Variants in PARP8 observed in about 807,000 individuals in gnomAD.
The protein encoded by PARP8 is protein mono-ADP-ribosyltransferase PARP8.
A neutral mutation model predicts 124.1 loss-of-function variants in PARP8; 51 were observed. The ratio of observed to expected loss-of-function variants is 0.41; its 90% CI spans 0.33 to 0.52. PARP8 has a LOEUF of 0.52. Among genes scored for constraint, PARP8 ranks in the 20% least tolerant of loss-of-function variants. PARP8 has a pLI of 0.21. For missense variants in PARP8, 860 were observed against 1,018.9 expected, an observed-to-expected ratio of 0.84 and a Z score of 2.12; for synonymous variants, 391 against 361.5, an observed-to-expected ratio of 1.08 and a Z score of -0.93.
chr5:50,681,138 C>T (rs1751245637), intron 2 of PARP8, among the ~76,000 whole-genome samples: 1 of 152,060 alleles, frequency 6.6e-6, no homozygotes, highest in Admixed American at 6.6e-5. Context: ...AAGAATCATA[C>T]AAATATATGT....
At chr5:50,699,273 G>A (rs1753346069) in intron 2 of PARP8, among the ~76,000 whole-genome samples, 1 of 152,184 alleles carries the variant, frequency 6.6e-6, no homozygotes, top group Admixed American at 6.5e-5. Context: ...ACTGGAGTAT[G>A]GAAAGGAGCA....
At chr5:50,770,290 A>G (rs1028129631) in intron 7 of PARP8, among the ~76,000 whole-genome samples, 1 of 152,206 alleles carries the variant, frequency 6.6e-6, no homozygotes, top group African/African-American at 2.4e-5. Flanking sequence ...TTCTGTGAGC[A>G]AAGTGTGGTT....
chr5:50,707,801 GTCTTA>G (rs1201673353), intron 2 of PARP8, among the ~76,000 whole-genome samples: 1 of 152,026 alleles, frequency 6.6e-6, no homozygotes, highest in East Asian at 1.9e-4. Context: ...AGTACTAAGA[GTCTTA>G]TATCAACCTT....
intron 17 of PARP8, among the ~76,000 whole-genome samples, chr5:50,823,790 G>A (rs1746035330): frequency 1.3e-5 from 2 of 152,294 alleles, no homozygotes; most frequent in African/African-American, 4.8e-5. Context: ...TAATAGAAGG[G>A]AACGTAGACG....
chr5:50,707,325 G>T (rs1003390645), intron 2 of PARP8, among the ~76,000 whole-genome samples: 4 of 151,954 alleles, frequency 2.6e-5, no homozygotes, highest in African/African-American at 9.7e-5. Context: ...TTGATACATA[G>T]AAATTAAAAC....
chr5:50,834,889 TTAGAA>T, intron 24 of PARP8, 37 bp from the exon 25 acceptor site: 1 of 1,525,996 alleles, frequency 6.6e-7, no homozygotes, highest in Admixed American at 1.7e-5. Flanking sequence ...TAGGATTCCT[TTAGAA>T]TAAAGTGGTT....
chr5:50,726,447 G>A (rs1321959558), intron 2 of PARP8, among the ~76,000 whole-genome samples: 9 of 152,064 alleles, frequency 5.9e-5, no homozygotes, highest in Non-Finnish European at 1.0e-4. Context: ...ATCTGATCAC[G>A]AACTCTAAGA....
At chr5:50,740,746 G>A (rs931841322) in intron 2 of PARP8, among the ~76,000 whole-genome samples, 4 of 151,716 alleles carry the variant, frequency 2.6e-5, no homozygotes, top group African/African-American at 9.7e-5. Flanking sequence ...CCAGGAAGTC[G>A]AGGCTGCAGT....
chr5:50,730,168 A>C lies in PARP8; in HGVS notation c.147-19983A>C, dbSNP rs544118572. On this transcript the variant is annotated intron_variant, in intron 2 of 25. Transcript: ENST00000281631. ...AGCTCTCAGTTCAGATTTTAGGAGA[A>C]TTTTAACAGGATTTGGTTTTGTCTA... is the stretch of plus-strand genomic sequence containing the variant. Among the ~76,000 whole-genome samples the C allele has an allele frequency of 2.0e-5, 3 of 152,192 alleles. No homozygotes were observed. In the South Asian group the frequency reaches 6.2e-4, roughly 32 times the overall value.
At chr5:50,680,587 C>A (rs1751178429) in intron 2 of PARP8, among the ~76,000 whole-genome samples, 1 of 152,082 alleles carries the variant, frequency 6.6e-6, no homozygotes, top group Non-Finnish European at 1.5e-5. Flanking sequence ...TTGATTCTCC[C>A]CAACTCTCAT....
intron 2 of PARP8, among the ~76,000 whole-genome samples, chr5:50,717,459 G>C (rs547571005): frequency 2.7e-4 from 41 of 152,138 alleles, no homozygotes; most frequent in African/African-American, 9.4e-4. Context: ...GAATCAGCAG[G>C]TCAAATCAGA....
intron 2 of PARP8, among the ~76,000 whole-genome samples, chr5:50,735,091 G>A (rs1343714702): frequency 1.3e-5 from 2 of 152,036 alleles, no homozygotes; most frequent in Non-Finnish European, 2.9e-5. Context: ...ATTGATGCTT[G>A]CTTCTCTTGT....
At chr5:50,838,783 C>G (rs1747860019) in intron 25 of PARP8, among the ~76,000 whole-genome samples, 1 of 150,920 alleles carries the variant, frequency 6.6e-6, no homozygotes, top group Non-Finnish European at 1.5e-5. Flanking sequence ...TTTAAAACAA[C>G]TTGGAGTTGT....
chr5:50,797,659 G>A (rs1327060173), intron 14 of PARP8, among the ~76,000 whole-genome samples: 1 of 152,184 alleles, frequency 6.6e-6, no homozygotes, highest in Admixed American at 6.5e-5. Flanking sequence ...GTACACAGTA[G>A]TAGAGAGAGG....
intron 2 of PARP8, among the ~76,000 whole-genome samples, chr5:50,685,249 T>G (rs1172491059): frequency 1.3e-5 from 2 of 152,202 alleles, no homozygotes; most frequent in Non-Finnish European, 2.9e-5. Flanking sequence ...CAGACTGGAT[T>G]AAATAAAAGG....
In PARP8 at chr5:50,821,205, A is replaced by G. The variant is rs1561430625; in HGVS notation, c.1669-8A>G. ...AGGGTAGTAACTATCTTATGTGTAT[A>G]TTTCAAGGTGGTAGATCTACTAGTA... On this transcript the variant is annotated splice_region_variant and splice_polypyrimidine_tract_variant and intron_variant, in intron 15 of 25. Transcript: ENST00000281631. 1 of 1,613,914 alleles carries G rather than the reference A, an allele frequency of 6.2e-7. No individual in the cohort carries two copies. The highest frequency in any genetic ancestry group is 8.5e-7 in the Non-Finnish European group (1 of 1,179,848).
chr5:50,674,429 C>T (rs1414235759), intron 2 of PARP8, among the ~76,000 whole-genome samples: 1 of 152,220 alleles, frequency 6.6e-6, no homozygotes, highest in Non-Finnish European at 1.5e-5. Context: ...AGCCCATGCC[C>T]TGTTGGCTTT....
chr5:50,765,265 A>G (rs1297588316), intron 7 of PARP8, among the ~76,000 whole-genome samples: 2 of 152,056 alleles, frequency 1.3e-5, no homozygotes, highest in African/African-American at 4.8e-5. Context: ...TCCGTCTCAA[A>G]AAAAAAAAGA....
intron 2 of PARP8, among the ~76,000 whole-genome samples, chr5:50,746,454 G>C (rs563903394): frequency 2.1e-4 from 32 of 151,994 alleles, no homozygotes; most frequent in Non-Finnish European, 3.7e-4. Flanking sequence ...TTCTACTGTA[G>C]GTACATAACA....
Sources: gnomAD v4.1 joint callset for allele counts (sites outside exome capture counted in the v4.1 genomes callset) on GRCh38, gnomAD v4.1.1 for gene constraint, MANE v1.5 for transcripts, NCBI Gene and HGNC (gene_info 2026-07-23, HGNC 2026-07-21) for gene names.